The following LSP1 variants were observed in gnomAD, a reference collection of about 807,000 sequenced individuals.
LSP1 encodes the protein lymphocyte-specific protein 1.
A neutral mutation model predicts 49.3 loss-of-function variants in LSP1; 32 were observed. The observed-to-expected ratio is 0.65, with a 90% CI of 0.49 to 0.87. The LOEUF (loss-of-function observed/expected upper bound fraction) is 0.87, where lower values mean the gene tolerates loss of function less well. Ranked by LOEUF, LSP1 falls within the 40% of genes least tolerant of loss-of-function variation. The pLI, the probability that LSP1 is intolerant of heterozygous loss-of-function variation, is 0.00. For missense variants in LSP1, 428 were observed against 442.6 expected (o/e 0.97, Z 0.30); for synonymous variants, 179 against 178.8 (o/e 1.00, Z -0.01).
intron 1 of LSP1, chr11:1,863,643 C>T (rs1017696496): frequency 6.6e-6 from 1 of 152,322 alleles, no homozygotes; most frequent in African/African-American, 2.4e-5. Context: ...TCCCATCCCA[C>T]CCCTCGTCCG....
chr11:1,885,493 C>G (rs574848417), intron 7 of LSP1, among the ~76,000 whole-genome samples: 1 of 152,176 alleles, frequency 6.6e-6, no homozygotes, highest in East Asian at 1.9e-4. Context: ...CAGTCAATGC[C>G]CCTCCATCCA....
intron 10 of LSP1, chr11:1,891,495 C>T (rs1848999528): frequency 1.3e-5 from 2 of 152,296 alleles, no homozygotes; most frequent in African/African-American, 4.8e-5. Context: ...TTCTAGCTCC[C>T]AGGGTGGGCA....
chr11:1,890,812 C>T, intron 10 of LSP1: 1 of 579,392 alleles, frequency 1.7e-6, no homozygotes, highest in Non-Finnish European at 3.1e-6. Flanking sequence ...AATGAGGCCA[C>T]AGAGGCCGAG....
intron 3 of LSP1, among the ~76,000 whole-genome samples, chr11:1,882,550 C>T (rs1285011493): frequency 2.6e-5 from 4 of 152,118 alleles, no homozygotes; most frequent in Non-Finnish European, 4.4e-5. Flanking sequence ...AGCGGCTCTG[C>T]TTTTCTGAGA....
intron 1 of LSP1, among the ~76,000 whole-genome samples, chr11:1,869,422 G>A (rs1847900651): frequency 6.6e-6 from 1 of 151,878 alleles, no homozygotes; most frequent in Non-Finnish European, 1.5e-5. Flanking sequence ...GGGAGGGAGA[G>A]CAGGGGCTGC....
At chr11:1,870,074 C>G in intron 1 of LSP1, 1 of 449,240 alleles carries the variant, frequency 2.2e-6, no homozygotes, top group Non-Finnish European at 4.7e-6. Flanking sequence ...GCGCCCCTGG[C>G]GACCATTGTG....
intron 1 of LSP1, chr11:1,870,309 G>A: frequency 1.5e-6 from 2 of 1,296,582 alleles, no homozygotes; most frequent in Non-Finnish European, 2.0e-6. Flanking sequence ...CCCATCCTGG[G>A]GCTTGGCAGG....
At chr11:1,875,587 C>T (rs1438084614) in intron 1 of LSP1, among the ~76,000 whole-genome samples, 1 of 152,256 alleles carries the variant, frequency 6.6e-6, no homozygotes, top group Non-Finnish European at 1.5e-5. Context: ...CCTCCCCAGG[C>T]AGAGAGGCTA....
At chr11:1,877,365 G>A (rs1009393709) in intron 1 of LSP1, among the ~76,000 whole-genome samples, 1 of 152,174 alleles carries the variant, frequency 6.6e-6, no homozygotes, top group Admixed American at 6.5e-5. Context: ...AGAGGCCAGG[G>A]GCTGGCCGGG....
chr11:1,873,866 CA>C (rs1848159763), intron 1 of LSP1, among the ~76,000 whole-genome samples: 7 of 121,164 alleles, frequency 5.8e-5, no homozygotes, highest in Non-Finnish European at 7.0e-5. Context: ...GGGAGGCTGG[CA>C]GAGGAGGGAG....
chr11:1,861,281 A>T (rs535419264), intron 1 of LSP1, among the ~76,000 whole-genome samples: 2 of 152,346 alleles, frequency 1.3e-5, no homozygotes, highest in African/African-American at 4.8e-5. Context: ...ACCCTGATTT[A>T]TATTTTCTGT....
chr11:1,880,224 T>C lies in LSP1; in HGVS notation c.191T>C (p.Leu64Pro), dbSNP rs144778074. Residue 64 changes from leucine (L) to proline (P), a missense_variant and splice_region_variant, in exon 2 of 11, where the codon CTC becomes CCC. Transcript: ENST00000311604. ...HVPERPKQEMLLSLKPSEAPE... is the reference protein window; with the variant it reads ...HVPERPKQEMPLSLKPSEAPE... Reference sequence around the variant, plus strand: ...CCCGAGCGGCCGAAGCAGGAGATGCTGTGAGCAGCCCCATAACGCGTGCCT... The same window carrying C: ...CCCGAGCGGCCGAAGCAGGAGATGCCGTGAGCAGCCCCATAACGCGTGCCT... 491 of 1,594,642 alleles carry C rather than the reference T, an allele frequency of 3.1e-4. No homozygotes were observed. Among genetic ancestry groups the C allele is most frequent in the Non-Finnish European group, 3.8e-4 (444 of 1,168,454 alleles).
chr11:1,858,549 C>T (rs1847545006), intron 1 of LSP1, among the ~76,000 whole-genome samples: 1 of 152,124 alleles, frequency 6.6e-6, no homozygotes, highest in Non-Finnish European at 1.5e-5. Context: ...GACCATAAGG[C>T]AATCGAAGAG....
At chr11:1,890,813 A>G (rs1462787872) in intron 10 of LSP1, 1 of 579,026 alleles carries the variant, frequency 1.7e-6, no homozygotes, top group Non-Finnish European at 3.1e-6. Flanking sequence ...ATGAGGCCAC[A>G]GAGGCCGAGT....
chr11:1,890,654 G>A (rs548486209), intron 10 of LSP1: 11 of 656,782 alleles, frequency 1.7e-5, no homozygotes, highest in Non-Finnish European at 3.1e-5. Context: ...GGAGGCCTGT[G>A]TCTCCTGTGG....
At chr11:1,890,791 C>A in intron 10 of LSP1, 1 of 593,402 alleles carries the variant, frequency 1.7e-6, no homozygotes, top group African/African-American at 1.9e-5. Flanking sequence ...CCACCATCAC[C>A]CTAGTGTAGA....
chr11:1,853,820 C>A (rs920786446), intron 1 of LSP1, among the ~76,000 whole-genome samples: 2 of 152,146 alleles, frequency 1.3e-5, no homozygotes, highest in South Asian at 2.1e-4. Context: ...CATGAGGGGG[C>A]ATGGCAGAGG....
intron 1 of LSP1, among the ~76,000 whole-genome samples, chr11:1,877,312 T>G (rs4246954): frequency 1 from 152,249 of 152,252 alleles, 76,123 homozygotes; most frequent in Middle Eastern, 1. Context: ...GGAGGAGACG[T>G]AGAAGGGGCC....
chr11:1,880,867 C>T (rs4980383), intron 2 of LSP1: 57,259 of 153,678 alleles, frequency 0.37, 11,247 homozygotes, highest in South Asian at 0.45. Context: ...CTTGGGGAGC[C>T]CCAGGATGAT....
Sources: gnomAD v4.1 joint callset for allele counts (sites outside exome capture counted in the v4.1 genomes callset) on GRCh38, gnomAD v4.1.1 for gene constraint, MANE v1.5 for transcripts, NCBI Gene and HGNC (gene_info 2026-07-23, HGNC 2026-07-21) for gene names.